The following AGFG2 variants were observed in gnomAD, a reference collection of about 807,000 sequenced individuals.
AGFG2 encodes arf-GAP domain and FG repeat-containing protein 2.
AGFG2 carries 31 observed loss-of-function variants against 48.0 expected under a neutral mutation model. The observed-to-expected ratio is 0.65, with a 90% CI of 0.49 to 0.87. AGFG2 has a LOEUF of 0.87. Ranked by LOEUF, AGFG2 falls within the 40% of genes least tolerant of loss-of-function variation. AGFG2 has a pLI of 0.00. For missense variants in AGFG2, 599 were observed against 632.6 expected, an observed-to-expected ratio of 0.95 and a Z score of 0.57; for synonymous variants, 229 against 260.8, an observed-to-expected ratio of 0.88 and a Z score of 1.18.
At chr7:100,546,216 A>G (rs1182997249) in intron 1 of AGFG2, among the ~76,000 whole-genome samples, 1 of 116,150 alleles carries the variant, frequency 8.6e-6, no homozygotes, top group Non-Finnish European at 1.6e-5. Flanking sequence ...AGGCTCAACC[A>G]TAAGTTCTGT....
chr7:100,540,780 G>A (rs574851110), intron 1 of AGFG2, among the ~76,000 whole-genome samples: 3 of 152,140 alleles, frequency 2.0e-5, no homozygotes, highest in Non-Finnish European at 4.4e-5. Context: ...TTGGGAGGCC[G>A]AGGCAGGCAG....
chr7:100,562,139 A>G lies in AGFG2; in HGVS notation c.878-120A>G, dbSNP rs1800886495. The G allele has an allele frequency of 1.5e-6, 2 of 1,373,694 alleles. No homozygotes were observed. Among genetic ancestry groups the G allele is most frequent in the African/African-American group, 1.4e-5 (1 of 69,670 alleles). The allele number at this position is 1,373,694 out of a possible 1,614,324, so 85.1% of individuals were successfully genotyped here. A position where few individuals can be genotyped will look rare whatever the true frequency, so the allele number is the denominator to read the frequency against. On this transcript the variant is annotated intron_variant, in intron 6 of 11. Coordinates refer to ENST00000300176, the MANE Select transcript of AGFG2 (RefSeq NM_006076.5). The surrounding 1 kb of genome is among the most constrained non-coding windows in gnomAD (Gnocchi z 5.4). ...GAAAATGGGCTGCCTCAGAGAACCC[A>G]GCAGGCACCTGTCATGCCATGACTC... is the stretch of plus-strand genomic sequence containing the variant.
chr7:100,561,127 CTT>C (rs76456752), intron 6 of AGFG2, among the ~76,000 whole-genome samples: 22 of 125,022 alleles, frequency 1.8e-4, no homozygotes, highest in Non-Finnish European at 1.2e-4. Context: ...CCAGATCTCC[CTT>C]TTTTTTTTTT....
chr7:100,543,712 TTC>T (rs1013393384), intron 1 of AGFG2, among the ~76,000 whole-genome samples: 4 of 152,186 alleles, frequency 2.6e-5, no homozygotes, highest in Admixed American at 1.3e-4. Flanking sequence ...CTCATTCTTG[TTC>T]TCTCTTTTTT....
At position 100,562,675 on chromosome 7, in the gene AGFG2, C is replaced by G; in HGVS notation, c.1080C>G (p.Ala360=). 2.5e-6 allele frequency: 4 copies of G among 1,607,296 alleles called. No individual in the cohort carries two copies. Among genetic ancestry groups the G allele is most frequent in the Non-Finnish European group, 3.4e-6 (4 of 1,179,200 alleles). ...GCGGCGGCAGCAGCACAGGGCTGGCCTTTGGAGGTGAGTCCTGCCTGTGGA... is the reference window on the plus strand; with the variant it reads ...GCGGCGGCAGCAGCACAGGGCTGGCGTTTGGAGGTGAGTCCTGCCTGTGGA... The part of the protein sequence containing the change: ...GGGGGSSTGL[A]FGAFTNPFTA... Residue 360 remains alanine, a synonymous_variant, in exon 8 of 12, where the codon GCC becomes GCG. Transcript: ENST00000300176. This position sits in a 1 kb window ranked among gnomAD's most constrained non-coding sequence, Gnocchi z 5.4.
At position 100,565,015 on chromosome 7, in the gene AGFG2, T is replaced by C; in HGVS notation, c.*24T>C. ...AGCACTGTGTTTTTGGGGGGCCTCT[T>C]CCCTGCCTTCTGGGGCCCCTCTGCT... On this transcript the variant is annotated 3_prime_UTR_variant, in exon 12 of 12. Coordinates refer to ENST00000300176, the MANE Select transcript of AGFG2 (RefSeq NM_006076.5). 1 of 1,613,244 alleles carries C rather than the reference T, an allele frequency of 6.2e-7. No individual in the cohort carries two copies. Among genetic ancestry groups the C allele is most frequent in the Non-Finnish European group, 8.5e-7 (1 of 1,179,172 alleles).
chr7:100,562,884 C>T lies in AGFG2; in HGVS notation c.1109C>T (p.Ala370Val). ...AFGAFTNPFT[A>V]PAAQSPLPST... ...GCAGCCTTCACTAACCCTTTCACAG[C>T]TCCCGCCGCCCAGTCCCCGCTGCCT... The change falls in exon 9 of 12, where the codon GCT becomes GTT. Residue 370 changes from alanine (A) to valine (V), a missense_variant. Physicochemically the swap from Ala to Val is moderately conservative, Grantham distance 64. Coordinates refer to ENST00000300176, the MANE Select transcript of AGFG2 (RefSeq NM_006076.5). The surrounding 1 kb of genome is among the most constrained non-coding windows in gnomAD (Gnocchi z 5.4). 1 of 1,614,160 alleles carries T rather than the reference C, an allele frequency of 6.2e-7. No individual in the cohort carries two copies. Among genetic ancestry groups the T allele is most frequent in the African/African-American group, 1.3e-5 (1 of 75,050 alleles).
At position 100,562,973 on chromosome 7, in the gene AGFG2, C is replaced by T; in HGVS notation, c.1171+27C>T. On this transcript the variant is annotated intron_variant, in intron 9 of 11. Coordinates refer to ENST00000300176, the MANE Select transcript of AGFG2 (RefSeq NM_006076.5). The surrounding 1 kb of genome is among the most constrained non-coding windows in gnomAD (Gnocchi z 5.4). Reference sequence around the variant, plus strand: ...TAAGCCTCCAGCATGGTCCCTTGTCCTGACCATCTGAGACTTCCAAGGCAC... The same window carrying T: ...TAAGCCTCCAGCATGGTCCCTTGTCTTGACCATCTGAGACTTCCAAGGCAC... 1 of 1,590,014 alleles carries T rather than the reference C, an allele frequency of 6.3e-7. No homozygotes were observed. Among genetic ancestry groups the T allele is most frequent in the Non-Finnish European group, 8.6e-7 (1 of 1,160,132 alleles).
At chr7:100,559,472 T>A (rs1342288455) in intron 6 of AGFG2, among the ~76,000 whole-genome samples, 2 of 152,008 alleles carry the variant, frequency 1.3e-5, no homozygotes, top group Non-Finnish European at 2.9e-5. Flanking sequence ...AAACTGCTTC[T>A]CTCCCTCAAA....
Position 100,567,763 on chromosome 7 carries a change from G to A in AGFG2, c.*2772G>A, listed in dbSNP as rs952530853. 1.3e-5 allele frequency: 2 copies of A among 152,260 alleles called. No homozygotes were observed. Among genetic ancestry groups the A allele is most frequent in the African/African-American group, 4.8e-5 (2 of 41,452 alleles). The allele number at this position is 152,260 out of a possible 1,614,324, so 9.4% of individuals were successfully genotyped here. On this transcript the variant is annotated 3_prime_UTR_variant, in exon 12 of 12. Transcript: ENST00000300176. ...AACGCAGTGCCCCGTCCCTGACAGGGATGAAAAGTGAACCCCTCAGGTCAG... is the reference window on the plus strand; with the variant it reads ...AACGCAGTGCCCCGTCCCTGACAGGAATGAAAAGTGAACCCCTCAGGTCAG...
chr7:100,559,635 G>A (rs1800823123), intron 6 of AGFG2, among the ~76,000 whole-genome samples: 1 of 151,866 alleles, frequency 6.6e-6, no homozygotes, highest in South Asian at 2.1e-4. Flanking sequence ...TGGGCAACAT[G>A]GCAAAACTTC....
intron 10 of AGFG2, 113 bp downstream of exon 10, chr7:100,564,075 G>C: frequency 6.4e-7 from 1 of 1,550,732 alleles, no homozygotes; most frequent in Non-Finnish European, 8.8e-7. Context: ...CTGACCAGCA[G>C]GGGGGACCAG....
chr7:100,545,737 G>A (rs531751627), intron 1 of AGFG2, among the ~76,000 whole-genome samples: 1 of 152,244 alleles, frequency 6.6e-6, no homozygotes, highest in Admixed American at 6.5e-5. Flanking sequence ...GGGAGAGCTG[G>A]GCCTGTTTAA....
At chr7:100,540,488 A>G (rs1800402050) in intron 1 of AGFG2, among the ~76,000 whole-genome samples, 1 of 152,114 alleles carries the variant, frequency 6.6e-6, no homozygotes, top group East Asian at 1.9e-4. Flanking sequence ...GTCATGCCAG[A>G]GTGAATTTAC....
At chr7:100,549,154 G>A (rs972092166) in intron 2 of AGFG2, among the ~76,000 whole-genome samples, 2 of 152,160 alleles carry the variant, frequency 1.3e-5, no homozygotes, top group African/African-American at 4.8e-5. Context: ...GTAGGATGTG[G>A]CACCTGAGCA....
intron 1 of AGFG2, among the ~76,000 whole-genome samples, chr7:100,540,620 A>G (rs988461690): frequency 6.6e-6 from 1 of 152,246 alleles, no homozygotes; most frequent in Non-Finnish European, 1.5e-5. Flanking sequence ...ATCTGATATC[A>G]GGCCTGGATC....
intron 1 of AGFG2, among the ~76,000 whole-genome samples, chr7:100,545,143 A>G (rs1398289211): frequency 2.6e-5 from 4 of 152,166 alleles, no homozygotes; most frequent in Admixed American, 6.6e-5. Flanking sequence ...TCTGAACACA[A>G]TTGTTCAAAG....
intron 1 of AGFG2, among the ~76,000 whole-genome samples, chr7:100,540,343 T>TG (rs1226810441): frequency 6.6e-6 from 1 of 152,198 alleles, no homozygotes; most frequent in African/African-American, 2.4e-5. Context: ...TGAGCCATCC[T>TG]GAAGGTTAAT....
At chr7:100,548,297 C>CT (rs1042846504) in intron 1 of AGFG2, among the ~76,000 whole-genome samples, 5 of 145,736 alleles carry the variant, frequency 3.4e-5, no homozygotes, top group Admixed American at 1.4e-4. Flanking sequence ...TTTGGAGATT[C>CT]TTTTTTTTGG....
Sources: gnomAD v4.1 joint callset for allele counts (sites outside exome capture counted in the v4.1 genomes callset) on GRCh38, gnomAD v4.1.1 for gene constraint, Gnocchi (gnomAD v3.1) non-coding constraint, MANE v1.5 for transcripts, NCBI Gene and HGNC (gene_info 2026-07-23, HGNC 2026-07-21) for gene names.